Variants in MPP1 observed in about 807,000 individuals in gnomAD.
The protein encoded by MPP1 is MAGUK p55 scaffold protein 1, also known as 55 kDa erythrocyte membrane protein.
MPP1 carries 6 observed loss-of-function variants against 38.2 expected under a neutral mutation model. That is an observed-to-expected ratio of 0.16 (90% CI 0.09 to 0.31). The LOEUF is 0.31. MPP1 is among the 10% of genes least tolerant of loss of function. MPP1 has a pLI of 1.00. For missense variants in MPP1, 293 were observed against 368.9 expected (o/e 0.79, Z 1.69); for synonymous variants, 153 against 146.3 (o/e 1.05, Z -0.33).
intron 1 of MPP1, among the ~76,000 whole-genome samples, chrX:154,803,313 C>T (rs782194906): frequency 8.9e-6 from 1 of 112,622 alleles, no homozygotes; most frequent in Non-Finnish European, 1.9e-5. Context: ...CAGCTGGATA[C>T]TATTTCATTC....
chrX:154,801,760 A>AAAG (rs1557268706), intron 1 of MPP1, among the ~76,000 whole-genome samples: 2 of 62,432 alleles, frequency 3.2e-5, no homozygotes, highest in Non-Finnish European at 5.8e-5. Flanking sequence ...CTCTGTCTCA[A>AAAG]AAAAAAAAAA....
chrX:154,786,879 G>T (rs1284226258), intron 5 of MPP1, among the ~76,000 whole-genome samples: 1 of 73,832 alleles, frequency 1.4e-5, no homozygotes, highest in Non-Finnish European at 2.3e-5. Flanking sequence ...CTGGGCGACA[G>T]AGTGAGACTC....
chrX:154,784,325 CCT>C (rs1408116257), intron 7 of MPP1, among the ~76,000 whole-genome samples: 6 of 110,720 alleles, frequency 5.4e-5, no homozygotes, highest in Non-Finnish European at 1.1e-4. Flanking sequence ...ACTTTTGCAC[CCT>C]CTCTTCCTCC....
rs1390170878 is a variant in MPP1 at position 154,805,464 on chromosome X, A to C, written c.-91T>G. The C allele has an allele frequency of 1.1e-5, 10 of 926,243 alleles. No individual in the cohort carries two copies. The highest frequency in any genetic ancestry group is 1.5e-5 in the Non-Finnish European group (10 of 669,285). The allele number at this position is 926,243 out of a possible 1,213,427, so 76.3% of individuals were successfully genotyped here. On this transcript the variant is annotated 5_prime_UTR_variant, in exon 1 of 12. Transcript: ENST00000369534. ...TGCGGGGCTGCGGAGAAGGCGGGAGACGCGGTGCGGCTGGGCCAGTCACCG... is the reference window on the plus strand; with the variant it reads ...TGCGGGGCTGCGGAGAAGGCGGGAGCCGCGGTGCGGCTGGGCCAGTCACCG...
At chrX:154,795,779 A>G (rs1440088410) in intron 1 of MPP1, among the ~76,000 whole-genome samples, 1 of 111,366 alleles carries the variant, frequency 9.0e-6, no homozygotes, top group Non-Finnish European at 1.9e-5. Context: ...AATAAAATAA[A>G]TGAAAATACA....
chrX:154,794,705 A>G (rs1343620197), intron 1 of MPP1, among the ~76,000 whole-genome samples: 2 of 112,168 alleles, frequency 1.8e-5, no homozygotes, highest in Non-Finnish European at 3.8e-5. Context: ...GGCCTGCCCA[A>G]GGCCTAGAAA....
chrX:154,786,031 C>A (rs376515570), intron 6 of MPP1, among the ~76,000 whole-genome samples, 173 bp downstream of exon 6: 1 of 112,184 alleles, frequency 8.9e-6, no homozygotes, highest in East Asian at 2.8e-4. Flanking sequence ...CTGTGGTTGC[C>A]TCTCAGTCCA....
chrX:154,781,221 C>A lies in MPP1; in HGVS notation c.1224+18G>T. 1 of 1,192,224 alleles carries A rather than the reference C, an allele frequency of 8.4e-7. No individual in the cohort carries two copies. The highest frequency in any genetic ancestry group is 1.1e-6 in the Non-Finnish European group (1 of 881,540). On this transcript the variant is annotated intron_variant, in intron 11 of 11. Coordinates refer to ENST00000369534, the MANE Select transcript of MPP1 (RefSeq NM_002436.4). ...CCCGGAGAAAGTGAACTACCCATCG[C>A]GCACAACCTCTCCTCACCTGAGTGC... is the stretch of plus-strand genomic sequence containing the variant.
chrX:154,791,763 G>C lies in MPP1; in HGVS notation c.325+6C>G. On this transcript the variant is annotated splice_donor_region_variant and intron_variant, in intron 3 of 11. Coordinates refer to ENST00000369534, the MANE Select transcript of MPP1 (RefSeq NM_002436.4). The stretch of plus-strand genomic sequence containing the variant: ...TCAAACCCCACCCAGAGCTCCCACA[G>C]AGTACCTTGTCTATGGATCATGCCA... The C allele has an allele frequency of 8.3e-7, 1 of 1,204,770 alleles. No homozygotes were observed. The highest frequency in any genetic ancestry group is 1.1e-6 in the Non-Finnish European group (1 of 889,641).
intron 1 of MPP1, among the ~76,000 whole-genome samples, chrX:154,792,987 G>A (rs1282429347): frequency 9.0e-6 from 1 of 111,606 alleles, no homozygotes; most frequent in Admixed American, 9.5e-5. Context: ...GTAATTTAAG[G>A]CACTGTGGTA....
chrX:154,805,425 C>T lies in MPP1; in HGVS notation c.-52G>A. 1 of 1,103,878 alleles carries T rather than the reference C, an allele frequency of 9.1e-7. No homozygotes were observed. The highest frequency in any genetic ancestry group is 1.2e-6 in the Non-Finnish European group (1 of 815,657). 91.0% of individuals were successfully genotyped at this position (1,103,878 alleles called of 1,213,427 possible). A position where few individuals can be genotyped will look rare whatever the true frequency, so the allele number is the denominator to read the frequency against. ...CAAGACAGGGCAGCGCTGGGAATGACAGGGCCCGGGGCCTGCGGGGCTGCG... is the reference window on the plus strand; with the variant it reads ...CAAGACAGGGCAGCGCTGGGAATGATAGGGCCCGGGGCCTGCGGGGCTGCG... On this transcript the variant is annotated 5_prime_UTR_variant, in exon 1 of 12. Transcript: ENST00000369534.
At chrX:154,790,940 T>C in intron 4 of MPP1, 43 bp downstream of exon 4, 2 of 1,123,260 alleles carry the variant, frequency 1.8e-6, no homozygotes, top group Non-Finnish European at 2.4e-6. Context: ...TCAACACTTA[T>C]GGAGACAATG....
intron 1 of MPP1, among the ~76,000 whole-genome samples, chrX:154,797,986 T>C (rs1239889586): frequency 3.6e-5 from 4 of 112,281 alleles, no homozygotes; most frequent in Non-Finnish European, 7.5e-5. Flanking sequence ...CCAAAGAGGA[T>C]ATATAAAGAT....
At chrX:154,781,110 C>A in intron 11 of MPP1, 129 bp downstream of exon 11, 1 of 580,888 alleles carries the variant, frequency 1.7e-6, no homozygotes, top group Non-Finnish European at 2.9e-6. Flanking sequence ...GGCTTCTTGG[C>A]CCTGGAGGAA....
intron 9 of MPP1, chrX:154,782,139 A>G (rs1469721928): frequency 2.0e-5 from 4 of 202,642 alleles, no homozygotes; most frequent in Admixed American, 6.8e-5. Flanking sequence ...TTTTAAAAAC[A>G]GATCTACAGA....
intron 5 of MPP1, among the ~76,000 whole-genome samples, chrX:154,789,453 G>A (rs1481860455): frequency 8.9e-6 from 1 of 112,115 alleles, no homozygotes; most frequent in African/African-American, 3.2e-5. Flanking sequence ...TATCAATCAC[G>A]GGGCTTTATT....
intron 1 of MPP1, among the ~76,000 whole-genome samples, chrX:154,795,633 C>T (rs2072186473): frequency 9.0e-6 from 1 of 110,726 alleles, no homozygotes; most frequent in African/African-American, 3.3e-5. Context: ...GGCATGGTGG[C>T]GTGCACCTGT....
chrX:154,780,643 T>C (rs368434744), intron 11 of MPP1, among the ~76,000 whole-genome samples: 4 of 112,282 alleles, frequency 3.6e-5, no homozygotes, highest in East Asian at 2.8e-4. Context: ...CCTACAGATA[T>C]ATTTGCACAC....
At chrX:154,791,103 C>A in intron 3 of MPP1, 35 bp from the exon 4 acceptor site, 1 of 1,133,050 alleles carries the variant, frequency 8.8e-7, no homozygotes, top group East Asian at 3.0e-5. Flanking sequence ...CACAAAAGAA[C>A]AAAAGTTCAA....
Sources: gnomAD v4.1 joint callset for allele counts (sites outside exome capture counted in the v4.1 genomes callset) on GRCh38, gnomAD v4.1.1 for gene constraint, MANE v1.5 for transcripts, NCBI Gene and HGNC (gene_info 2026-07-23, HGNC 2026-07-21) for gene names.